The following GALNT13 variants were observed in gnomAD, a reference collection of about 807,000 sequenced individuals.
GALNT13 encodes polypeptide N-acetylgalactosaminyltransferase 13, also known as UDP-GalNAc:polypeptide N-acetylgalactosaminyltransferase 13.
GALNT13 carries 28 observed loss-of-function variants against 64.2 expected under a neutral mutation model. The ratio of observed to expected loss-of-function variants is 0.44; its 90% CI spans 0.32 to 0.60. GALNT13 has a LOEUF of 0.60. Ranked by LOEUF, GALNT13 falls within the 20% of genes least tolerant of loss-of-function variation. The pLI, the probability that GALNT13 is intolerant of heterozygous loss-of-function variation, is 0.05. For missense variants in GALNT13, 577 were observed against 669.8 expected (o/e 0.86, Z 1.53); for synonymous variants, 214 against 224.6 (o/e 0.95, Z 0.42).
chr2:153,748,547 T>A, the GALNT13 span, among the ~76,000 whole-genome samples: 1 of 152,166 alleles, frequency 6.6e-6, no homozygotes, highest in Non-Finnish European at 1.5e-5. Context: ...CCTTTTCATA[T>A]GCCAGTATGA....
At chr2:153,068,483 CTA>C in the GALNT13 span, among the ~76,000 whole-genome samples, 1 of 152,002 alleles carries the variant, frequency 6.6e-6, no homozygotes, top group Non-Finnish European at 1.5e-5. Flanking sequence ...CATCATTTTT[CTA>C]TGTTTGGAAT....
the GALNT13 span, among the ~76,000 whole-genome samples, chr2:153,135,652 G>A: frequency 6.6e-6 from 1 of 152,016 alleles, no homozygotes; most frequent in African/African-American, 2.4e-5. Flanking sequence ...GTAATTTTAT[G>A]TGTGTGTGAT....
chr2:154,226,109 GC>G (rs1688605584), intron 4 of GALNT13, among the ~76,000 whole-genome samples: 1 of 152,126 alleles, frequency 6.6e-6, no homozygotes, highest in South Asian at 2.1e-4. Flanking sequence ...ATTCTGGCTA[GC>G]CTTGGGGGAG....
the GALNT13 span, among the ~76,000 whole-genome samples, chr2:153,214,177 A>G: frequency 5.6e-4 from 86 of 152,300 alleles, no homozygotes; most frequent in African/African-American, 1.9e-3. Flanking sequence ...AAAATGTTGG[A>G]GAGGGCCCTG....
chr2:153,859,723 T>C, the GALNT13 span, among the ~76,000 whole-genome samples: 1 of 152,188 alleles, frequency 6.6e-6, no homozygotes, highest in African/African-American at 2.4e-5. Context: ...GACAACTTTC[T>C]AGATGTAACT....
the GALNT13 span, among the ~76,000 whole-genome samples, chr2:153,719,727 C>A: frequency 1.8e-4 from 28 of 152,046 alleles, no homozygotes; most frequent in Admixed American, 5.9e-4. Flanking sequence ...CGGGTCACTC[C>A]CACCCGAATA....
intron 3 of GALNT13, among the ~76,000 whole-genome samples, chr2:154,091,649 G>A (rs1006140997): frequency 6.6e-6 from 1 of 151,752 alleles, no homozygotes; most frequent in African/African-American, 2.4e-5. Flanking sequence ...GTCATTTTCA[G>A]TGTCTTCTGT....
At chr2:153,283,707 G>C in the GALNT13 span, among the ~76,000 whole-genome samples, 3 of 152,224 alleles carry the variant, frequency 2.0e-5, no homozygotes, top group Non-Finnish European at 4.4e-5. Flanking sequence ...GCATGGATCA[G>C]AGAGTGTCTT....
chr2:153,417,263 T>C, the GALNT13 span, among the ~76,000 whole-genome samples: 1 of 152,122 alleles, frequency 6.6e-6, no homozygotes, highest in Non-Finnish European at 1.5e-5. Flanking sequence ...AGATGAGTCA[T>C]AGAGGTACCA....
the GALNT13 span, among the ~76,000 whole-genome samples, chr2:153,635,445 C>T: frequency 0.12 from 15,007 of 128,124 alleles, 1,210 homozygotes; most frequent in African/African-American, 0.17. Context: ...TATATACACA[C>T]ATATATATGT....
chr2:153,860,551 G>C, the GALNT13 span, among the ~76,000 whole-genome samples: 1 of 152,140 alleles, frequency 6.6e-6, no homozygotes, highest in Non-Finnish European at 1.5e-5. Context: ...GACCAAATCA[G>C]TTGACTTCTA....
the GALNT13 span, among the ~76,000 whole-genome samples, chr2:153,262,974 T>C: frequency 2.0e-5 from 3 of 152,008 alleles, no homozygotes; most frequent in Non-Finnish European, 4.4e-5. Context: ...GAGAAAGAAA[T>C]AAATGGTACT....
the GALNT13 span, among the ~76,000 whole-genome samples, chr2:153,296,052 C>G: frequency 5.3e-5 from 8 of 152,274 alleles, no homozygotes; most frequent in African/African-American, 1.9e-4. Flanking sequence ...GAAAATGCTG[C>G]TCCGCTCTCC....
the GALNT13 span, among the ~76,000 whole-genome samples, chr2:153,824,497 C>T: frequency 1.3e-5 from 2 of 152,136 alleles, no homozygotes; most frequent in Non-Finnish European, 2.9e-5. Context: ...GGAGTTGTGA[C>T]AATGGGCATA....
chr2:153,419,199 A>T, the GALNT13 span, among the ~76,000 whole-genome samples: 1 of 152,188 alleles, frequency 6.6e-6, no homozygotes, highest in Admixed American at 6.5e-5. Flanking sequence ...CCTTCTTCAC[A>T]TGGTGGCAGC....
At chr2:153,583,645 A>T in the GALNT13 span, among the ~76,000 whole-genome samples, 7 of 152,232 alleles carry the variant, frequency 4.6e-5, no homozygotes, top group East Asian at 1.4e-3. Flanking sequence ...CTCTCAGTCT[A>T]ACTTAGGGAG....
chr2:153,565,485 T>G, the GALNT13 span, among the ~76,000 whole-genome samples: 1 of 152,300 alleles, frequency 6.6e-6, no homozygotes, highest in East Asian at 1.9e-4. Context: ...TATGCGTGTG[T>G]GTATGTTTGT....
At chr2:153,533,471 C>G in the GALNT13 span, among the ~76,000 whole-genome samples, 1 of 151,920 alleles carries the variant, frequency 6.6e-6, no homozygotes, top group Non-Finnish European at 1.5e-5. Context: ...AGGCTGGTCT[C>G]AAACTCCTGA....
At chr2:154,070,795 T>C (rs966306461) in intron 3 of GALNT13, among the ~76,000 whole-genome samples, 2 of 151,952 alleles carry the variant, frequency 1.3e-5, no homozygotes, top group African/African-American at 4.8e-5. Flanking sequence ...TAGGGGCCTA[T>C]AATCCCAGCT....
Sources: allele counts gnomAD v4.1 joint callset (sites outside exome capture counted in the v4.1 genomes callset), GRCh38; gene constraint gnomAD v4.1.1; transcripts MANE v1.5; gene names NCBI Gene and HGNC (gene_info 2026-07-23, HGNC 2026-07-21).